The following LDLRAD3 variants were observed in gnomAD, a reference collection of about 807,000 sequenced individuals.
LDLRAD3 encodes low density lipoprotein receptor class A domain containing 3, also known as low-density lipoprotein receptor class A domain-containing protein 3.
In LDLRAD3, 20 loss-of-function variants were observed where a neutral mutation model predicts 29.4. The observed-to-expected ratio is 0.68, with a 90% CI of 0.48 to 0.99. LDLRAD3 has a LOEUF of 0.99. Ranked by LOEUF, LDLRAD3 falls within the 50% of genes least tolerant of loss-of-function variation. LDLRAD3 has a pLI of 0.00. For synonymous variants in LDLRAD3, 157 were observed against 192.7 expected, an observed-to-expected ratio of 0.81 and a Z score of 1.53; for missense variants, 420 against 454.3, an observed-to-expected ratio of 0.92 and a Z score of 0.69.
intron 1 of LDLRAD3, among the ~76,000 whole-genome samples, chr11:35,998,951 G>A (rs1417104388): frequency 6.6e-6 from 1 of 152,156 alleles, no homozygotes; most frequent in Non-Finnish European, 1.5e-5. Context: ...GTTCATGTAA[G>A]CCCACATTTC....
chr11:36,099,449 A>G (rs1853413614), intron 4 of LDLRAD3, among the ~76,000 whole-genome samples: 2 of 152,150 alleles, frequency 1.3e-5, no homozygotes, highest in Admixed American at 1.3e-4. Context: ...ACTTAGTATT[A>G]TATTGCTGTG....
At chr11:35,996,135 C>A (rs551425074) in intron 1 of LDLRAD3, among the ~76,000 whole-genome samples, 9 of 152,318 alleles carry the variant, frequency 5.9e-5, no homozygotes, top group African/African-American at 1.9e-4. Context: ...TCTTGGCTTT[C>A]GACATGCCTT....
At chr11:36,117,383 A>G (rs963890304) in intron 4 of LDLRAD3, among the ~76,000 whole-genome samples, 17 of 152,018 alleles carry the variant, frequency 1.1e-4, no homozygotes, top group Admixed American at 1.0e-3. Flanking sequence ...AATACATACT[A>G]TATTTAAAAC....
At chr11:35,991,867 TTG>T (rs33941156) in intron 1 of LDLRAD3, among the ~76,000 whole-genome samples, 1,841 of 82,364 alleles carry the variant, frequency 0.022, 14 homozygotes, top group Non-Finnish European at 0.034. Context: ...GAATGGTTGT[TTG>T]TGTGTGTGTG....
chr11:36,194,837 A>G (rs1855008211), intron 4 of LDLRAD3, among the ~76,000 whole-genome samples: 1 of 152,154 alleles, frequency 6.6e-6, no homozygotes, highest in African/African-American at 2.4e-5. Flanking sequence ...GTCAAGCACA[A>G]TTTTATTTAC....
chr11:36,092,127 T>C (rs2133267485), intron 3 of LDLRAD3, among the ~76,000 whole-genome samples: 1 of 152,346 alleles, frequency 6.6e-6, no homozygotes, highest in African/African-American at 2.4e-5. Context: ...GTATCGAATC[T>C]TGGCTTTGTC....
At chr11:35,973,284 A>G (rs1357346414) in intron 1 of LDLRAD3, among the ~76,000 whole-genome samples, 1 of 152,154 alleles carries the variant, frequency 6.6e-6, no homozygotes, top group East Asian at 1.9e-4. Context: ...ATTCTGTTAT[A>G]TATGCACTAT....
chr11:35,968,310 G>C (rs1851367445), intron 1 of LDLRAD3: 1 of 370,834 alleles, frequency 2.7e-6, no homozygotes, highest in Admixed American at 3.5e-5. Flanking sequence ...CAAATGCTTA[G>C]AGCCTCTGGA....
intron 4 of LDLRAD3, among the ~76,000 whole-genome samples, chr11:36,191,568 C>CTATA (rs1590343829): frequency 3.8e-5 from 3 of 78,882 alleles, no homozygotes; most frequent in East Asian, 3.6e-4. Context: ...CTCTCTCTCT[C>CTATA]TCTCTCTCTA....
intron 1 of LDLRAD3, among the ~76,000 whole-genome samples, chr11:35,955,798 C>G (rs1389702471): frequency 6.6e-6 from 1 of 152,188 alleles, no homozygotes; most frequent in African/African-American, 2.4e-5. Context: ...ATACATAGTT[C>G]TAATGTTTTA....
intron 3 of LDLRAD3, among the ~76,000 whole-genome samples, chr11:36,096,802 T>G (rs935783697): frequency 2.0e-5 from 3 of 152,236 alleles, no homozygotes; most frequent in Non-Finnish European, 4.4e-5. Context: ...AGATCCCACA[T>G]TTTCAGTAGG....
intron 1 of LDLRAD3, among the ~76,000 whole-genome samples, chr11:35,949,435 T>G (rs1851102935): frequency 6.6e-6 from 1 of 152,066 alleles, no homozygotes; most frequent in Non-Finnish European, 1.5e-5. Flanking sequence ...CCCTGGAAGT[T>G]CCCCTTCCTC....
At chr11:36,073,122 T>G (rs1225444034) in intron 2 of LDLRAD3, among the ~76,000 whole-genome samples, 1 of 152,252 alleles carries the variant, frequency 6.6e-6, no homozygotes, top group Non-Finnish European at 1.5e-5. Context: ...AATAAAAAGT[T>G]GGCAATTGTA....
chr11:35,969,777 T>C (rs115301309), intron 1 of LDLRAD3, among the ~76,000 whole-genome samples: 2,118 of 152,290 alleles, frequency 0.014, 53 homozygotes, highest in African/African-American at 0.048. Context: ...AGGCCCCTTA[T>C]TGGCAGAACC....
chr11:36,086,460 G>A (rs1197412552), intron 3 of LDLRAD3, among the ~76,000 whole-genome samples: 1 of 152,140 alleles, frequency 6.6e-6, no homozygotes, highest in Non-Finnish European at 1.5e-5. Context: ...GCCCTCTGTG[G>A]GCTATGGTTA....
intron 1 of LDLRAD3, among the ~76,000 whole-genome samples, chr11:35,995,009 T>C (rs1184832946): frequency 6.6e-6 from 1 of 152,232 alleles, no homozygotes; most frequent in Non-Finnish European, 1.5e-5. Context: ...AAAAGTCATT[T>C]GTGAGGGTTG....
intron 1 of LDLRAD3, among the ~76,000 whole-genome samples, chr11:35,983,149 T>C (rs7952702): frequency 0.18 from 26,655 of 152,212 alleles, 6,722 homozygotes; most frequent in African/African-American, 0.56. Flanking sequence ...CCACCGCTCC[T>C]GGCCAGTTGC....
intron 1 of LDLRAD3, among the ~76,000 whole-genome samples, chr11:35,956,010 G>T (rs1043603287): frequency 6.6e-6 from 1 of 152,214 alleles, no homozygotes; most frequent in Non-Finnish European, 1.5e-5. Context: ...AGATGAGAAG[G>T]TTGATTAACT....
At chr11:36,197,882 T>TAA (rs59189246) in intron 4 of LDLRAD3, 38,870 of 139,736 alleles carry the variant, frequency 0.28, 5,140 homozygotes, top group East Asian at 0.32. Context: ...CCCCATGTCT[T>TAA]AAAAAAAAAA....
Sources: gnomAD v4.1 joint callset for allele counts (sites outside exome capture counted in the v4.1 genomes callset) on GRCh38, gnomAD v4.1.1 for gene constraint, MANE v1.5 for transcripts, NCBI Gene and HGNC (gene_info 2026-07-23, HGNC 2026-07-21) for gene names.